Variants in COL17A1 observed in about 807,000 individuals in gnomAD.
COL17A1 encodes the protein collagen type XVII alpha 1 chain.
A neutral mutation model predicts 218.4 loss-of-function variants in COL17A1; 181 were observed. The ratio of observed to expected loss-of-function variants is 0.83; its 90% CI spans 0.73 to 0.94. COL17A1 has a LOEUF of 0.94. COL17A1 is among the 40% of genes least tolerant of loss of function. The pLI is 0.00. For synonymous variants in COL17A1, 721 were observed against 731.0 expected (o/e 0.99, Z 0.22); for missense variants, 1,924 against 1,945.9 (o/e 0.99, Z 0.21).
At chr10:104,074,292 C>A (rs142067443) in intron 5 of COL17A1, 61 bp from the exon 6 acceptor site, 2 of 1,612,792 alleles carry the variant, frequency 1.2e-6, no homozygotes, top group Non-Finnish European at 8.5e-7. Context: ...GCTTCCAAAA[C>A]GGGAGGTAGT....
intron 29 of COL17A1, 166 bp from the exon 30 acceptor site, chr10:104,048,270 C>T (rs1239009858): frequency 1.3e-6 from 1 of 783,664 alleles, no homozygotes; most frequent in African/African-American, 1.7e-5. Context: ...GGTACTCCCA[C>T]TGCCCCTTCT....
At chr10:104,033,802 AG>A in intron 52 of COL17A1, 142 bp downstream of exon 52, 1 of 1,293,962 alleles carries the variant, frequency 7.7e-7, no homozygotes. Flanking sequence ...GCTGAGAGCT[AG>A]GCTGGGGCTG....
At chr10:104,033,096 C>A in intron 53 of COL17A1, 128 bp from the exon 54 acceptor site, 1 of 1,514,362 alleles carries the variant, frequency 6.6e-7, no homozygotes, top group South Asian at 1.2e-5. Flanking sequence ...AAACAAAGTT[C>A]AGAATTTATA....
At chr10:104,043,733 C>T (rs1248799865) in intron 34 of COL17A1, 92 bp downstream of exon 34, 4 of 1,563,540 alleles carry the variant, frequency 2.6e-6, no homozygotes, top group Non-Finnish European at 3.5e-6. Flanking sequence ...AAAAAACTCC[C>T]AGCCACATCC....
chr10:104,045,905 C>T (rs2134594993), intron 32 of COL17A1, 112 bp from the exon 33 acceptor site: 2 of 896,492 alleles, frequency 2.2e-6, no homozygotes, highest in Non-Finnish European at 1.9e-6. Context: ...TGACTGAAAC[C>T]CTGGGACGCA....
rs373749563 is a variant in COL17A1 at position 104,052,234 on chromosome 10, G to A, written c.1940-17C>T. 1.8e-5 allele frequency: 29 copies of A among 1,614,130 alleles called. No individual in the cohort carries two copies. The highest frequency in any genetic ancestry group is 6.6e-5 in the South Asian group (6 of 91,086). ...CAGCAGCCCCTGAGGAGAAATGGAG[G>A]GATGAGCACTTTGGGAGAGGCCCCA... On this transcript the variant is annotated splice_polypyrimidine_tract_variant and intron_variant, in intron 23 of 55. Transcript: ENST00000648076.
chr10:104,049,873 G>C (rs1380988088), intron 28 of COL17A1, among the ~76,000 whole-genome samples: 3 of 151,822 alleles, frequency 2.0e-5, no homozygotes, highest in Admixed American at 1.3e-4. Flanking sequence ...TTTCTTTTTT[G>C]CTCCAAACAT....
intron 22 of COL17A1, 71 bp downstream of exon 22, chr10:104,053,849 C>A (rs1462372179): frequency 4.5e-6 from 4 of 887,160 alleles, no homozygotes; most frequent in Non-Finnish European, 7.4e-6. Flanking sequence ...ATACAGCAGG[C>A]ACTTAATGAA....
intron 8 of COL17A1, among the ~76,000 whole-genome samples, chr10:104,071,522 A>T (rs1420078172): frequency 6.6e-6 from 1 of 152,214 alleles, no homozygotes; most frequent in African/African-American, 2.4e-5. Flanking sequence ...GGGGTCTCTG[A>T]CATTTGAAAT....
Position 104,062,275 on chromosome 10 carries a change from G to C in COL17A1, c.893C>G (p.Thr298Ser). 6.2e-7 allele frequency: 1 copy of C among 1,614,224 alleles called. No individual in the cohort carries two copies. The highest frequency in any genetic ancestry group is 8.5e-7 in the Non-Finnish European group (1 of 1,180,042). The part of the protein sequence containing the change: ...APSLTTLSHG[T>S]TTTSTAYGVK... ...CTACTGACCTGTGGAAGTGGTGGTG[G>C]TGCCATGGGACAGGGTGGTCAAGCT... is the stretch of plus-strand genomic sequence containing the variant. Residue 298 changes from threonine (T) to serine (S), a missense_variant, in exon 12 of 56, where the codon ACC becomes AGC. Coordinates refer to ENST00000648076, the MANE Select transcript of COL17A1 (RefSeq NM_000494.4).
intron 44 of COL17A1, among the ~76,000 whole-genome samples, chr10:104,038,803 C>G (rs559301028): frequency 6.6e-6 from 1 of 152,164 alleles, no homozygotes; most frequent in African/African-American, 2.4e-5. Context: ...CCCCTTCTCT[C>G]AACTCCCCAG....
chr10:104,063,733 A>C lies in COL17A1; in HGVS notation c.838+14T>G, dbSNP rs1248171491. The C allele has an allele frequency of 1.9e-6, 3 of 1,614,036 alleles. No homozygotes were observed. Among genetic ancestry groups the C allele is most frequent in the African/African-American group, 1.3e-5 (1 of 74,928 alleles). ...AATAGCCTGGAAAAGTCATCTCAAG[A>C]TGGTGACACTGACCTGAGGAGGATG... On this transcript the variant is annotated intron_variant, in intron 11 of 55. Coordinates refer to ENST00000648076, the MANE Select transcript of COL17A1 (RefSeq NM_000494.4).
intron 5 of COL17A1, among the ~76,000 whole-genome samples, chr10:104,074,473 G>A (rs532610977): frequency 6.6e-6 from 1 of 152,178 alleles, no homozygotes; most frequent in South Asian, 2.1e-4. Context: ...GATGAGGCAG[G>A]GATGAACAAA....
intron 45 of COL17A1, 119 bp from the exon 46 acceptor site, chr10:104,037,892 T>C (rs1473843797): frequency 1.5e-6 from 2 of 1,331,526 alleles, no homozygotes; most frequent in Admixed American, 3.9e-5. Flanking sequence ...GGCCCAAGGC[T>C]GGGCCAGGAG....
chr10:104,053,233 T>G, intron 22 of COL17A1, 98 bp from the exon 23 acceptor site: 1 of 1,310,374 alleles, frequency 7.6e-7, no homozygotes. Context: ...CTGGAGCCCT[T>G]CCCTGGCCTC....
intron 29 of COL17A1, among the ~76,000 whole-genome samples, chr10:104,048,343 A>T (rs1342841663): frequency 1.3e-5 from 2 of 152,136 alleles, no homozygotes; most frequent in African/African-American, 4.8e-5. Context: ...ATTGCATCTC[A>T]AGCGCCTCGA....
Position 104,056,980 on chromosome 10 carries a change from G to A in COL17A1, c.1460C>T (p.Ala487Val). The A allele has an allele frequency of 6.4e-7, 1 of 1,574,304 alleles. No homozygotes were observed. The highest frequency in any genetic ancestry group is 8.6e-7 in the Non-Finnish European group (1 of 1,160,470). Residue 487 changes from alanine (A) to valine (V), a missense_variant, in exon 17 of 56, where the codon GCT (alanine) becomes GTT (valine). By Grantham distance (64) the Ala-to-Val change is moderately conservative. Coordinates refer to ENST00000648076, the MANE Select transcript of COL17A1 (RefSeq NM_000494.4). ...LLLGLLFGLI[A>V]LAEEVRKLKA... is the part of the protein sequence containing the mutation. ...CTGCTGCCTTTGCCACGTACCCAGA[G>A]CAATGAGGCCGAAGAGCAGCCCCAG...
Position 104,034,125 on chromosome 10 carries a change from C to T in COL17A1, c.3976G>A (p.Ala1326Thr). The change falls in exon 52 of 56, where the codon GCC (alanine) becomes ACC (threonine). Residue 1326 changes from alanine to threonine, a missense_variant. By Grantham distance (58) the Ala-to-Thr change is moderately conservative. Coordinates refer to ENST00000648076, the MANE Select transcript of COL17A1 (RefSeq NM_000494.4). The part of the protein sequence containing the change: ...GGAGSLGAGG[A>T]FGEAAGDRGP... Reference sequence around the variant, plus strand: ...CTGTCTCCTGCAGCTTCACCAAAGGCACCGCCTGCACCCAGGGAGCCTGCA... The same window carrying T: ...CTGTCTCCTGCAGCTTCACCAAAGGTACCGCCTGCACCCAGGGAGCCTGCA... The T allele has an allele frequency of 1.2e-6, 2 of 1,614,084 alleles. No homozygotes were observed. Among genetic ancestry groups the T allele is most frequent in the Non-Finnish European group, 1.7e-6 (2 of 1,180,032 alleles).
intron 48 of COL17A1, among the ~76,000 whole-genome samples, chr10:104,035,903 T>TGAGTGGGAGTGTGC (rs2086280202): frequency 1.6e-5 from 1 of 62,158 alleles, no homozygotes; most frequent in African/African-American, 4.5e-5. Context: ...TGGGAGCGTG[T>TGAGTGGGAGTGTGC]GTATGGGAGT....
Sources: gnomAD v4.1 joint callset for allele counts (sites outside exome capture counted in the v4.1 genomes callset) on GRCh38, gnomAD v4.1.1 for gene constraint, MANE v1.5 for transcripts, NCBI Gene and HGNC (gene_info 2026-07-23, HGNC 2026-07-21) for gene names.